The following TMPRSS9 variants were observed in gnomAD, a reference collection of about 807,000 sequenced individuals.
The protein encoded by TMPRSS9 is transmembrane serine protease 9.
A neutral mutation model predicts 111.4 loss-of-function variants in TMPRSS9; 113 were observed. The ratio of observed to expected loss-of-function variants is 1.01; its 90% CI spans 0.87 to 1.19. The LOEUF (loss-of-function observed/expected upper bound fraction) is 1.19. Ranked by LOEUF, TMPRSS9 falls within the 50% of genes most tolerant of loss-of-function variation. TMPRSS9 has a pLI of 0.00. For synonymous variants in TMPRSS9, 805 were observed against 659.1 expected (o/e 1.22, Z -3.39); for missense variants, 1,803 against 1,513.1 (o/e 1.19, Z -3.18).
At chr19:2,370,620 C>T (rs1011328720) in intron 1 of TMPRSS9, among the ~76,000 whole-genome samples, 16 of 152,092 alleles carry the variant, frequency 1.1e-4, no homozygotes, top group East Asian at 1.9e-4. Context: ...TGAGCCACCA[C>T]GCCCAGCCAG....
chr19:2,399,051 G>A, exon 4 of TMPRSS9: 1 of 1,613,088 alleles, frequency 6.2e-7, no homozygotes, highest in Non-Finnish European at 8.5e-7. Flanking sequence ...TACATTTCCA[G>A]CTGCACTTTC....
intron 1 of TMPRSS9, among the ~76,000 whole-genome samples, chr19:2,384,474 G>A (rs935147568): frequency 6.6e-6 from 1 of 151,866 alleles, no homozygotes; most frequent in African/African-American, 2.4e-5. Flanking sequence ...TCAGGAATTC[G>A]AGACCAGCCA....
At chr19:2,415,919 G>A in intron 11 of TMPRSS9, 78 bp downstream of exon 12, 1 of 1,478,060 alleles carries the variant, frequency 6.8e-7, no homozygotes, top group Non-Finnish European at 9.0e-7. Flanking sequence ...CCATCCTGCT[G>A]GGGCTGCTGC....
In TMPRSS9 at chr19:2,369,018, C is replaced by T. The variant is rs145093448; in HGVS notation, c.-26+8658C>T. On this transcript the variant is annotated intron_variant, in intron 1 of 17. Transcript: ENST00000649857. Reference sequence around the variant, plus strand: ...CCAGGCTGTAGTGCAAAGGTGTGATCTCGGCTCACTGTAACCTCCACCTCC... The same window carrying T: ...CCAGGCTGTAGTGCAAAGGTGTGATTTCGGCTCACTGTAACCTCCACCTCC... 3.4e-5 allele frequency among the ~76,000 whole-genome samples: 5 copies of T among 146,308 alleles called. No homozygotes were observed. The East Asian group carries it at 1.0e-3, about 30-fold the overall frequency.
At chr19:2,408,310 C>T (rs370450087) in intron 7 of TMPRSS9, 46 bp from the exon 9 acceptor site, 61 of 1,589,840 alleles carry the variant, frequency 3.8e-5, no homozygotes, top group African/African-American at 3.2e-4. Flanking sequence ...CCTCCCCCGA[C>T]GGCTCTGACC....
chr19:2,379,615 C>CTCTCTCTTTCTT (rs1555676516), intron 1 of TMPRSS9, among the ~76,000 whole-genome samples: 18 of 118,510 alleles, frequency 1.5e-4, no homozygotes, highest in African/African-American at 3.2e-4. Context: ...AACTTTCTTT[C>CTCTCTCTTTCTT]TCTTTCTTTC....
At chr19:2,399,871 C>T (rs1424810475) in intron 4 of TMPRSS9, among the ~76,000 whole-genome samples, 1 of 152,140 alleles carries the variant, frequency 6.6e-6, no homozygotes, top group Non-Finnish European at 1.5e-5. Flanking sequence ...GCTGGGATTA[C>T]AGGCACGCAC....
At chr19:2,417,141 A>C (rs1769025529) in intron 12 of TMPRSS9, among the ~76,000 whole-genome samples, 1 of 152,182 alleles carries the variant, frequency 6.6e-6, no homozygotes, top group African/African-American at 2.4e-5. Flanking sequence ...TTAAAGCTGA[A>C]AATATTTAAT....
rs545212904 is a variant in TMPRSS9 at position 2,417,051 on chromosome 19, T to C, written c.2017+242T>C. Among the ~76,000 whole-genome samples the C allele has an allele frequency of 2.8e-4, 43 of 152,314 alleles. 1 individual carries two copies. The highest frequency in any genetic ancestry group is 1.0e-3 in the African/African-American group (42 of 41,582). On this transcript the variant is annotated intron_variant, in intron 12 of 17. Coordinates refer to ENST00000648592, the Ensembl canonical transcript of TMPRSS9. ...CAAAGTTTTATTGGAACAGGGGCCA[T>C]GTTCACACATCAACAGATTGTCTAT...
intron 13 of TMPRSS9, 50 bp downstream of exon 14, chr19:2,418,188 A>C: frequency 6.5e-7 from 1 of 1,537,996 alleles, no homozygotes; most frequent in Non-Finnish European, 8.8e-7. Context: ...AAATGCCCAC[A>C]GCCGTTCACC....
At chr19:2,382,437 A>G (rs536572998) in intron 1 of TMPRSS9, among the ~76,000 whole-genome samples, 87 of 152,302 alleles carry the variant, frequency 5.7e-4, no homozygotes, top group Middle Eastern at 3.4e-3. Flanking sequence ...CGGTCAAAAC[A>G]TTTTTTTAGT....
chr19:2,405,246 G>C (rs1465338854), intron 6 of TMPRSS9, 128 bp from the exon 8 acceptor site: 3 of 1,269,160 alleles, frequency 2.4e-6, no homozygotes, highest in Non-Finnish European at 3.1e-6. Flanking sequence ...GGGAAGCCAA[G>C]GAGGGGCCCC....
chr19:2,369,819 G>A (rs1273104541), intron 1 of TMPRSS9, among the ~76,000 whole-genome samples: 1 of 151,940 alleles, frequency 6.6e-6, no homozygotes. Context: ...GTTTCTGTGG[G>A]TTGGGTGGCT....
intron 1 of TMPRSS9, among the ~76,000 whole-genome samples, chr19:2,379,615 C>CTCTTTCTTTCCT: frequency 8.4e-6 from 1 of 118,618 alleles, no homozygotes; most frequent in Middle Eastern, 4.0e-3. Context: ...AACTTTCTTT[C>CTCTTTCTTTCCT]TCTTTCTTTC....
At chr19:2,394,945 CTGTACTT>C (rs1408196381) in intron 1 of TMPRSS9, among the ~76,000 whole-genome samples, 6 of 152,170 alleles carry the variant, frequency 3.9e-5, no homozygotes, top group South Asian at 2.1e-4. Flanking sequence ...ATTATTTTTG[CTGTACTT>C]TGTACTTTGG....
At chr19:2,425,049 T>A (rs1301015719) in exon 16 of TMPRSS9, 2 of 1,561,634 alleles carry the variant, frequency 1.3e-6, no homozygotes, top group Admixed American at 3.7e-5. Flanking sequence ...ACGCCGTTCC[T>A]GAGCGGCGCG....
intron 1 of TMPRSS9, among the ~76,000 whole-genome samples, chr19:2,392,825 C>G (rs1970626553): frequency 6.6e-6 from 1 of 152,090 alleles, no homozygotes; most frequent in East Asian, 1.9e-4. Flanking sequence ...TTAAGTCTAG[C>G]TAAAGGTTTG....
At chr19:2,423,612 C>A (rs1259635261) in intron 14 of TMPRSS9, among the ~76,000 whole-genome samples, 1 of 152,158 alleles carries the variant, frequency 6.6e-6, no homozygotes, top group African/African-American at 2.4e-5. Flanking sequence ...TCCCTGAAAC[C>A]CCCTGGAAAC....
chr19:2,374,183 C>T (rs1357798203), intron 1 of TMPRSS9, among the ~76,000 whole-genome samples: 3 of 147,260 alleles, frequency 2.0e-5, no homozygotes, highest in Non-Finnish European at 3.0e-5. Flanking sequence ...CTTGTATTCA[C>T]GGTGACAAGG....
Sources: gnomAD v4.1 joint callset for allele counts (sites outside exome capture counted in the v4.1 genomes callset) on GRCh38, gnomAD v4.1.1 for gene constraint, MANE v1.5 for transcripts, NCBI Gene and HGNC (gene_info 2026-07-23, HGNC 2026-07-21) for gene names.